NEBL: variants seen among roughly 807,000 people sequenced by gnomAD.
NEBL encodes the protein nebulette.
A neutral mutation model predicts 140.2 loss-of-function variants in NEBL; 122 were observed. The ratio of observed to expected loss-of-function variants is 0.87; its 90% CI spans 0.75 to 1.01. The LOEUF is 1.01. Among genes scored for constraint, NEBL ranks in the 50% least tolerant of loss-of-function variants. The pLI is 0.00. For synonymous variants in NEBL, 436 were observed against 398.9 expected (o/e 1.09, Z -1.11); for missense variants, 1,365 against 1,231.3 (o/e 1.11, Z -1.62).
chr10:20,940,036 A>T (rs889912370), intron 4 of NEBL, among the ~76,000 whole-genome samples: 4 of 150,610 alleles, frequency 2.7e-5, no homozygotes, highest in Admixed American at 2.7e-4. Context: ...CGAGACAGAA[A>T]GTTAACAAGG....
chr10:20,832,754 T>C (rs1366843946), intron 14 of NEBL, among the ~76,000 whole-genome samples: 2 of 152,208 alleles, frequency 1.3e-5, no homozygotes, highest in East Asian at 1.9e-4. Context: ...TTTAGGTAAG[T>C]GGTAAACAAA....
At chr10:20,912,961 T>C (rs762267134) in intron 4 of NEBL, among the ~76,000 whole-genome samples, 1 of 150,396 alleles carries the variant, frequency 6.6e-6, no homozygotes, top group Non-Finnish European at 1.5e-5. Flanking sequence ...AGGGTCTCAC[T>C]ATGTTGCCCA....
intron 3 of NEBL, among the ~76,000 whole-genome samples, chr10:20,965,095 C>T (rs927374365): frequency 3.3e-5 from 5 of 152,172 alleles, no homozygotes; most frequent in Non-Finnish European, 7.4e-5. Context: ...AAGAGCATTG[C>T]TTTCATGGAC....
intron 2 of NEBL, among the ~76,000 whole-genome samples, chr10:21,036,931 C>T (rs1315029139): frequency 3.3e-5 from 5 of 152,112 alleles, no homozygotes; most frequent in Non-Finnish European, 7.4e-5. Flanking sequence ...ATACAGCCCT[C>T]CTTGCTTTTG....
intron 3 of NEBL, among the ~76,000 whole-genome samples, chr10:21,241,158 G>A (rs902109285): frequency 1.3e-5 from 2 of 151,808 alleles, no homozygotes; most frequent in African/African-American, 2.4e-5. Context: ...TCAGGCTTAT[G>A]TCCTGATTTC....
intron 2 of NEBL, among the ~76,000 whole-genome samples, chr10:21,135,825 C>A (rs1207382863): frequency 1.3e-5 from 2 of 152,136 alleles, no homozygotes; most frequent in African/African-American, 4.8e-5. Flanking sequence ...CTTTTCTTGG[C>A]TCTCCGTGCA....
At chr10:20,911,386 C>T (rs1041195570) in intron 4 of NEBL, among the ~76,000 whole-genome samples, 3 of 152,050 alleles carry the variant, frequency 2.0e-5, no homozygotes, top group Admixed American at 6.6e-5. Flanking sequence ...TGTATATACC[C>T]GTTGTGAGCA....
chr10:21,093,746 A>G (rs73607589), intron 2 of NEBL, among the ~76,000 whole-genome samples: 184 of 152,362 alleles, frequency 1.2e-3, no homozygotes, highest in African/African-American at 3.8e-3. Flanking sequence ...AGAGGAGAAC[A>G]ATATTTTATC....
intron 2 of NEBL, among the ~76,000 whole-genome samples, chr10:21,111,437 T>C (rs1239307608): frequency 6.6e-6 from 1 of 151,958 alleles, no homozygotes; most frequent in Non-Finnish European, 1.5e-5. Flanking sequence ...AACAACACCA[T>C]GCATCTACAA....
chr10:20,909,584 A>T (rs1182613650), intron 4 of NEBL, among the ~76,000 whole-genome samples: 2 of 152,194 alleles, frequency 1.3e-5, no homozygotes, highest in Non-Finnish European at 2.9e-5. Context: ...TTCTTTAAGT[A>T]GGATCTAATA....
At chr10:21,232,922 T>C (rs1842284876) in intron 3 of NEBL, among the ~76,000 whole-genome samples, 1 of 152,182 alleles carries the variant, frequency 6.6e-6, no homozygotes, top group Admixed American at 6.5e-5. Context: ...ACTAGAACAG[T>C]AGCATTAGAA....
intron 4 of NEBL, among the ~76,000 whole-genome samples, chr10:20,940,049 A>T (rs1834766174): frequency 6.6e-6 from 1 of 151,668 alleles, no homozygotes; most frequent in South Asian, 2.1e-4. Flanking sequence ...TAACAAGGAT[A>T]CCCAGGAATT....
At chr10:21,059,917 A>G (rs1183548195) in intron 2 of NEBL, among the ~76,000 whole-genome samples, 7 of 152,352 alleles carry the variant, frequency 4.6e-5, no homozygotes, top group African/African-American at 9.6e-5. Context: ...GAAGGTTTCA[A>G]TGAAAATACT....
intron 2 of NEBL, among the ~76,000 whole-genome samples, chr10:21,050,048 G>A (rs1055040309): frequency 6.6e-6 from 1 of 152,128 alleles, no homozygotes; most frequent in Non-Finnish European, 1.5e-5. Context: ...GAAGGGGGAG[G>A]AAGACTAGGT....
intron 3 of NEBL, among the ~76,000 whole-genome samples, chr10:20,977,804 G>A (rs11817287): frequency 8.7e-4 from 132 of 152,244 alleles, no homozygotes; most frequent in African/African-American, 3.0e-3. Flanking sequence ...GCCCTAATAC[G>A]TTGCCAGGTT....
chr10:21,270,693 T>C (rs7100759), intron 1 of NEBL, among the ~76,000 whole-genome samples: 77,075 of 152,036 alleles, frequency 0.51, 22,265 homozygotes, highest in African/African-American at 0.79. Context: ...GTTTGGTATA[T>C]AGATCTTATC....
At chr10:21,143,473 C>CAAAAAAAAAAAAAAAAAAAAAAAAAAAA (rs1839745073) in intron 2 of NEBL, among the ~76,000 whole-genome samples, 1 of 122,050 alleles carries the variant, frequency 8.2e-6, no homozygotes, top group African/African-American at 3.3e-5. Flanking sequence ...AAAAAAAAAT[C>CAAAAAAAAAAAAAAAAAAAAAAAAAAAA]AAACGTGAAA....
chr10:21,183,245 T>G (rs1254521146), intron 3 of NEBL, among the ~76,000 whole-genome samples: 2 of 151,526 alleles, frequency 1.3e-5, no homozygotes, highest in African/African-American at 4.9e-5. Context: ...TGAGTCACCA[T>G]GAGAGAGAGA....
chr10:20,786,979 TTTA>T (rs1835469312), intron 27 of NEBL, among the ~76,000 whole-genome samples: 1 of 152,176 alleles, frequency 6.6e-6, no homozygotes, highest in African/African-American at 2.4e-5. Context: ...CTTTGTATGT[TTTA>T]TTGTTTTATG....
Sources: allele counts gnomAD v4.1 joint callset (sites outside exome capture counted in the v4.1 genomes callset), GRCh38; gene constraint gnomAD v4.1.1; transcripts MANE v1.5; gene names NCBI Gene and HGNC (gene_info 2026-07-23, HGNC 2026-07-21).